NTRK2: variants seen among roughly 807,000 people sequenced by gnomAD.
The protein encoded by NTRK2 is neurotrophic receptor tyrosine kinase 2, also known as BDNF/NT-3 growth factors receptor.
NTRK2 carries 13 observed loss-of-function variants against 94.5 expected under a neutral mutation model. That is an observed-to-expected ratio of 0.14 (90% CI 0.09 to 0.22). NTRK2 has a LOEUF of 0.22. Among genes scored for constraint, NTRK2 ranks in the 10% least tolerant of loss-of-function variants. The pLI is 1.00. For synonymous variants in NTRK2, 372 were observed against 407.4 expected (o/e 0.91, Z 1.05); for missense variants, 639 against 1,071.2 (o/e 0.60, Z 5.63).
At chr9:84,760,189 G>C (rs1253726721) in intron 12 of NTRK2, among the ~76,000 whole-genome samples, 1 of 152,118 alleles carries the variant, frequency 6.6e-6, no homozygotes, top group East Asian at 1.9e-4. Flanking sequence ...TCATCATTTT[G>C]GGCAAATTGT....
chr9:84,772,009 CA>C (rs1308869737), intron 12 of NTRK2, among the ~76,000 whole-genome samples: 3 of 152,138 alleles, frequency 2.0e-5, no homozygotes, highest in African/African-American at 4.8e-5. Context: ...GGTTTTACTC[CA>C]AGCTTTCCTA....
At chr9:84,887,984 G>C (rs779469395) in intron 14 of NTRK2, among the ~76,000 whole-genome samples, 1 of 152,156 alleles carries the variant, frequency 6.6e-6, no homozygotes, top group Admixed American at 6.5e-5. Context: ...TGTTACAAGG[G>C]ATGACAAAAC....
At position 84,727,676 on chromosome 9, in the gene NTRK2, C is replaced by G. The variant is rs367901572; in HGVS notation, c.876C>G (p.Leu292=). ...TVHFAPTITF[L]ESPTSDHHWC... is the part of the protein sequence containing the mutation. ...TAGTTGCACCAACTATCACATTTCT[C>G]GAATCTCCAACCTCAGACCACCACT... Residue 292 remains leucine, a synonymous_variant, in exon 9 of 19, where the codon CTC becomes CTG. Coordinates refer to ENST00000277120, the MANE Select transcript of NTRK2 (RefSeq NM_006180.6). 2 of 1,612,706 alleles carry G rather than the reference C, an allele frequency of 1.2e-6. No homozygotes were observed. The highest frequency in any genetic ancestry group is 2.2e-5 in the East Asian group (1 of 44,892).
Position 84,873,560 on chromosome 9 carries a change from G to A in NTRK2, c.1633+6129G>A, listed in dbSNP as rs78050197. On this transcript the variant is annotated intron_variant, in intron 14 of 18. Coordinates refer to ENST00000277120, the MANE Select transcript of NTRK2 (RefSeq NM_006180.6). ...TCATATTCCCTTTTCAACTCCAAAG[G>A]AGATGATAAGAAGCTATCAAATAAT... 2,797 of 1,053,954 alleles carry A rather than the reference G, an allele frequency of 2.7e-3. 61 individuals are homozygous for A. In the African/African-American group the frequency reaches 0.041, roughly 15 times the overall value. The allele number at this position is 1,053,954 out of a possible 1,614,324, so 65.3% of individuals were successfully genotyped here. A position where few individuals can be genotyped will look rare whatever the true frequency, so the allele number is the denominator to read the frequency against.
chr9:84,813,340 G>A (rs199787988), intron 12 of NTRK2: 25 of 1,017,836 alleles, frequency 2.5e-5, no homozygotes, highest in East Asian at 1.0e-4. Flanking sequence ...CCTGGATTTC[G>A]TGTGAAATGT....
intron 14 of NTRK2, among the ~76,000 whole-genome samples, chr9:84,878,674 A>G (rs982084983): frequency 6.6e-6 from 1 of 151,882 alleles, no homozygotes; most frequent in African/African-American, 2.4e-5. Context: ...AAGCGCAAAT[A>G]TTTGCATTCA....
chr9:84,760,372 T>C (rs1275951979), intron 12 of NTRK2, among the ~76,000 whole-genome samples: 1 of 152,168 alleles, frequency 6.6e-6, no homozygotes, highest in Non-Finnish European at 1.5e-5. Flanking sequence ...TTAAAGAAAA[T>C]ATTATAGGGT....
At chr9:84,817,467 T>G (rs1309658833) in intron 12 of NTRK2, among the ~76,000 whole-genome samples, 2 of 152,226 alleles carry the variant, frequency 1.3e-5, no homozygotes, top group Non-Finnish European at 2.9e-5. Flanking sequence ...AGGATCTGAT[T>G]TATTTGGCCA....
At chr9:84,733,701 C>T (rs767460492) in intron 9 of NTRK2, among the ~76,000 whole-genome samples, 1 of 152,196 alleles carries the variant, frequency 6.6e-6, no homozygotes, top group African/African-American at 2.4e-5. Flanking sequence ...TGTAAGACAT[C>T]AGCTTCTCAT....
At chr9:84,764,493 TG>T (rs1225005948) in intron 12 of NTRK2, among the ~76,000 whole-genome samples, 5 of 152,098 alleles carry the variant, frequency 3.3e-5, no homozygotes, top group Admixed American at 6.6e-5. Context: ...AGGCAATGAT[TG>T]GGTGCTTGGG....
intron 17 of NTRK2, among the ~76,000 whole-genome samples, chr9:84,956,435 G>A (rs943689192): frequency 2.0e-5 from 3 of 152,188 alleles, no homozygotes; most frequent in Non-Finnish European, 4.4e-5. Context: ...GGGAATTTCT[G>A]GAAATGTTGA....
chr9:84,906,403 A>G (rs1384359037), intron 14 of NTRK2, among the ~76,000 whole-genome samples: 1 of 152,212 alleles, frequency 6.6e-6, no homozygotes. Flanking sequence ...TGCCAGATTG[A>G]GCCCAGTAGT....
chr9:84,953,135 C>T (rs868698533), intron 16 of NTRK2, among the ~76,000 whole-genome samples: 2 of 152,210 alleles, frequency 1.3e-5, no homozygotes, highest in African/African-American at 2.4e-5. Flanking sequence ...CCTGACCCCT[C>T]AGTGCTGAAA....
rs76584193 is a variant in NTRK2, at chr9:84,815,464, T to C, written c.1397-45576T>C. 1.5e-3 allele frequency: 1,550 copies of C among 1,044,946 alleles called. 20 individuals carry two copies. The African/African-American group carries it at 0.024, about 16-fold the overall frequency. 64.7% of individuals were successfully genotyped at this position (1,044,946 alleles called of 1,614,324 possible). A position where few individuals can be genotyped will look rare whatever the true frequency, so the allele number is the denominator to read the frequency against. ...AAATCCTTGAGTTTCACGCACTTCATGTTCAACCATTTGCTGTAATCCAGA... is the reference window on the plus strand; with the variant it reads ...AAATCCTTGAGTTTCACGCACTTCACGTTCAACCATTTGCTGTAATCCAGA... On this transcript the variant is annotated intron_variant, in intron 12 of 18. Coordinates refer to ENST00000277120, the MANE Select transcript of NTRK2 (RefSeq NM_006180.6).
At chr9:84,977,718 C>A (rs1256800182) in intron 17 of NTRK2, among the ~76,000 whole-genome samples, 1 of 152,184 alleles carries the variant, frequency 6.6e-6, no homozygotes, top group East Asian at 1.9e-4. Flanking sequence ...TATTGTGCTT[C>A]ACTTTATTGC....
rs117429864 is a variant in NTRK2, at chr9:84,871,440, T to G, written c.1633+4009T>G. Among the ~76,000 whole-genome samples the G allele has an allele frequency of 8.9e-4, 136 of 152,314 alleles. 3 individuals are homozygous for G. The East Asian group carries it at 0.015, about 17-fold the overall frequency. On this transcript the variant is annotated intron_variant, in intron 14 of 18. Coordinates refer to ENST00000277120, the MANE Select transcript of NTRK2 (RefSeq NM_006180.6). ...ACAGTCTACCACCTGGGTGTGATAC[T>G]CTGAGTTAGACTTGAAGGATCAATG...
chr9:84,955,977 T>C (rs1488327088), intron 17 of NTRK2, among the ~76,000 whole-genome samples: 1 of 152,200 alleles, frequency 6.6e-6, no homozygotes, highest in Non-Finnish European at 1.5e-5. Context: ...CACCCTGCTC[T>C]TGGCACTCCA....
At chr9:84,984,034 A>C (rs765744106) in intron 17 of NTRK2, among the ~76,000 whole-genome samples, 1 of 152,204 alleles carries the variant, frequency 6.6e-6, no homozygotes, top group Non-Finnish European at 1.5e-5. Context: ...GTTTCATCAT[A>C]TCCAAAATAG....
chr9:84,842,142 T>G (rs2074222886), intron 12 of NTRK2, among the ~76,000 whole-genome samples: 1 of 152,158 alleles, frequency 6.6e-6, no homozygotes, highest in African/African-American at 2.4e-5. Context: ...TTGCATACCA[T>G]TACATTTCTT....
Sources: gnomAD v4.1 joint callset for allele counts (sites outside exome capture counted in the v4.1 genomes callset) on GRCh38, gnomAD v4.1.1 for gene constraint, MANE v1.5 for transcripts, NCBI Gene and HGNC (gene_info 2026-07-23, HGNC 2026-07-21) for gene names.